Variants in MCF2L2 observed in about 807,000 individuals in gnomAD.
The protein encoded by MCF2L2 is probable guanine nucleotide exchange factor MCF2L2.
Under a neutral mutation model 150.2 loss-of-function variants are expected in MCF2L2, and 102 were observed. The ratio of observed to expected loss-of-function variants is 0.68; its 90% confidence interval spans 0.58 to 0.80. The LOEUF is 0.80. MCF2L2 is among the 30% of genes least tolerant of loss of function. The probability of loss-of-function intolerance (pLI) is 0.00; values close to 1 mark genes in which losing one functional copy is unlikely to be tolerated. For missense variants in MCF2L2, 1,256 were observed against 1,372.8 expected (o/e 0.91, Z 1.34); for synonymous variants, 465 against 491.3 (o/e 0.95, Z 0.71).
chr3:183,314,257 C>T (rs140972445), intron 7 of MCF2L2, among the ~76,000 whole-genome samples: 3 of 152,322 alleles, frequency 2.0e-5, no homozygotes, highest in African/African-American at 7.2e-5. Context: ...CAAACTGTAG[C>T]TCAGGCTGGG....
At chr3:183,307,018 G>A (rs1577050230) in intron 10 of MCF2L2, among the ~76,000 whole-genome samples, 1 of 152,346 alleles carries the variant, frequency 6.6e-6, no homozygotes, top group African/African-American at 2.4e-5. Flanking sequence ...TCAGGAAGGA[G>A]CATTCAAAAG....
intron 1 of MCF2L2, among the ~76,000 whole-genome samples, chr3:183,393,461 G>C (rs1269194593): frequency 6.6e-6 from 1 of 152,122 alleles, no homozygotes; most frequent in African/African-American, 2.4e-5. Flanking sequence ...CCAAAGTGCT[G>C]GGATTACAGG....
chr3:183,406,642 C>T (rs111459603), intron 1 of MCF2L2, among the ~76,000 whole-genome samples: 5,669 of 152,200 alleles, frequency 0.037, 379 homozygotes, highest in African/African-American at 0.13. Flanking sequence ...GCGCCTGCCA[C>T]CATGCCCAGC....
chr3:183,217,294 CAAAAAA>C (rs35973262), intron 21 of MCF2L2, among the ~76,000 whole-genome samples: 2 of 15,204 alleles, frequency 1.3e-4, no homozygotes, highest in Admixed American at 1.2e-3. Flanking sequence ...AACCCCGTCT[CAAAAAA>C]AAAAAAAAAA....
Position 183,224,188 on chromosome 3 carries a change from T to C in MCF2L2, c.2118A>G (p.Lys706=). ...ATTTAAAATATATCTGAAGATCTTC[T>C]TTCTAGGTGGGAAAAAATTAGAATA... ...ELLAHCFLKR[K]EDLQIYFKYH... Residue 706 remains lysine (K), a splice_region_variant and synonymous_variant, in exon 19 of 30, where the codon AAA becomes AAG. Transcript: ENST00000328913. 1 of 1,606,138 alleles carries C rather than the reference T, an allele frequency of 6.2e-7. No individual in the cohort carries two copies. The highest frequency in any genetic ancestry group is 8.5e-7 in the Non-Finnish European group (1 of 1,173,020).
intron 7 of MCF2L2, among the ~76,000 whole-genome samples, chr3:183,317,815 TTCACTCACCACCCAGTCTCAAAAGAC>T (rs1235042602): frequency 4.0e-5 from 6 of 151,086 alleles, no homozygotes; most frequent in Non-Finnish European, 5.9e-5. Context: ...CCCACCGTTC[TTCACTCACCACCCAGTCTCAAAAGAC>T]TCACTCACCA....
In MCF2L2 at chr3:183,181,883, C is replaced by T. The variant is rs1272708485; in HGVS notation, c.3017-1724G>A. Among the ~76,000 whole-genome samples the T allele has an allele frequency of 6.6e-6, 1 of 152,200 alleles. No homozygotes were observed. Among genetic ancestry groups the T allele is most frequent in the Non-Finnish European group, 1.5e-5 (1 of 68,022 alleles). On this transcript the variant is annotated intron_variant, in intron 27 of 29. Transcript: ENST00000328913. This position sits in a 1 kb window ranked among gnomAD's most constrained non-coding sequence, Gnocchi z 4.3. ...GCAGGGCTGGGAGGCGACACAGGAA[C>T]TGAAAAACCTGACAAGCTCTAGCCC...
At chr3:183,310,793 G>A (rs1462530491) in intron 9 of MCF2L2, 122 bp downstream of exon 9, 2 of 657,740 alleles carry the variant, frequency 3.0e-6, no homozygotes, top group Admixed American at 2.8e-5. Context: ...AAGAAGCAAG[G>A]AGATAAGGAG....
At chr3:183,187,750 A>G (rs1386798491) in intron 27 of MCF2L2, among the ~76,000 whole-genome samples, 1 of 152,136 alleles carries the variant, frequency 6.6e-6, no homozygotes, top group Non-Finnish European at 1.5e-5. Context: ...TACAGGCGTG[A>G]GCCACCGCGC....
Position 183,270,606 on chromosome 3 carries a change from G to A in MCF2L2, c.1862+6266C>T, listed in dbSNP as rs1315876299. On this transcript the variant is annotated intron_variant, in intron 15 of 29. Transcript: ENST00000328913. This position sits in a 1 kb window ranked among gnomAD's most constrained non-coding sequence, Gnocchi z 4.5. ...CGGTGATGTAGCTGCCAAAGTCTAT[G>A]AGGCATCACAGACACTAAATTCAAG... The A allele has an allele frequency of 9.9e-6, 16 of 1,614,198 alleles. No individual in the cohort carries two copies. In the South Asian group the frequency reaches 1.8e-4, roughly 18 times the overall value.
At chr3:183,340,057 T>C (rs1730636494) in intron 4 of MCF2L2, among the ~76,000 whole-genome samples, 1 of 152,152 alleles carries the variant, frequency 6.6e-6, no homozygotes, top group Admixed American at 6.5e-5. Context: ...GCTGCAGTTA[T>C]CCCAAAGATA....
rs75224352 is a variant in MCF2L2 at position 183,203,314 on chromosome 3, T to C, written c.2884+2562A>G. Among the ~76,000 whole-genome samples, 739 of 152,214 alleles carry C rather than the reference T, an allele frequency of 4.9e-3. 5 individuals carry two copies. The highest frequency in any genetic ancestry group is 0.017 in the African/African-American group (714 of 41,546). ...TAACTATTTTTACATGTTCAAAAAGTTAAAGGAAATCATATATAAAGACTA... is the reference window on the plus strand; with the variant it reads ...TAACTATTTTTACATGTTCAAAAAGCTAAAGGAAATCATATATAAAGACTA... On this transcript the variant is annotated intron_variant, in intron 25 of 29. Transcript: ENST00000328913.
intron 3 of MCF2L2, among the ~76,000 whole-genome samples, chr3:183,356,495 G>C (rs950487913): frequency 1.3e-5 from 2 of 152,118 alleles, no homozygotes; most frequent in African/African-American, 2.4e-5. Flanking sequence ...CCTGGCAACA[G>C]AGCAAGACTC....
chr3:183,326,492 C>CAAAAAAAAAAAAA (rs890481068), intron 5 of MCF2L2, among the ~76,000 whole-genome samples: 20 of 39,406 alleles, frequency 5.1e-4, no homozygotes, highest in Admixed American at 1.1e-3. Context: ...AACTCCGTCT[C>CAAAAAAAAAAAAA]AAAAAAAAAA....
At position 183,207,636 on chromosome 3, in the gene MCF2L2, G is replaced by A. The variant is rs753254842; in HGVS notation, c.2684C>T (p.Pro895Leu). ...RMEPGDQGLS[P>L]HYSFKKTMKL... ...CATGGTCTTCTTGAAGCTGTAATGA[G>A]GAGATAATCCCTGGTCCCCAGGCTC... Residue 895 changes from proline to leucine, a missense_variant, in exon 23 of 30, where the codon CCT becomes CTT. By Grantham distance (98) the Pro-to-Leu change is moderately conservative. Transcript: ENST00000328913. 1.5e-5 allele frequency: 24 copies of A among 1,613,936 alleles called. No homozygotes were observed. Among genetic ancestry groups the A allele is most frequent in the Non-Finnish European group, 2.0e-5 (24 of 1,179,912 alleles).
At chr3:183,234,179 T>C (rs1291067503) in intron 15 of MCF2L2, among the ~76,000 whole-genome samples, 1 of 151,222 alleles carries the variant, frequency 6.6e-6, no homozygotes, top group Non-Finnish European at 1.5e-5. Context: ...CAGTTAAGCA[T>C]TCATGGAAAA....
chr3:183,303,075 T>C (rs1577046278), intron 10 of MCF2L2, among the ~76,000 whole-genome samples: 1 of 151,694 alleles, frequency 6.6e-6, no homozygotes, highest in East Asian at 2.0e-4. Flanking sequence ...ACACCTGTAG[T>C]CCCAGCTACT....
intron 2 of MCF2L2, among the ~76,000 whole-genome samples, chr3:183,384,422 C>CT (rs1314935651): frequency 6.6e-6 from 1 of 152,188 alleles, no homozygotes; most frequent in Non-Finnish European, 1.5e-5. Context: ...CTGCAAGGTC[C>CT]TGACCCTCCC....
Position 183,234,944 on chromosome 3 carries a change from G to A in MCF2L2, c.1863-3927C>T, listed in dbSNP as rs1395970876. 1.1e-4 allele frequency among the ~76,000 whole-genome samples: 10 copies of A among 90,196 alleles called. No individual in the cohort carries two copies. The South Asian group carries it at 2.7e-3, about 24-fold the overall frequency. The allele number at this position is 90,196 out of a possible 152,430, so 59.2% of individuals were successfully genotyped here. On this transcript the variant is annotated intron_variant, in intron 15 of 29. Transcript: ENST00000328913. Reference sequence around the variant, plus strand: ...TTCCCACCTATGAGTGAGAATATGCGGTGTTTGGTTTTTTGTTCTTGCGAT... The same window carrying A: ...TTCCCACCTATGAGTGAGAATATGCAGTGTTTGGTTTTTTGTTCTTGCGAT...
Sources: gnomAD v4.1 joint callset for allele counts (sites outside exome capture counted in the v4.1 genomes callset) on GRCh38, gnomAD v4.1.1 for gene constraint, Gnocchi (gnomAD v3.1) non-coding constraint, MANE v1.5 for transcripts, NCBI Gene and HGNC (gene_info 2026-07-23, HGNC 2026-07-21) for gene names.